CBFB: variants seen among roughly 807,000 people sequenced by gnomAD.
CBFB encodes the protein CBF-beta.
CBFB carries 9 observed loss-of-function variants against 30.4 expected under a neutral mutation model. The ratio of observed to expected loss-of-function variants is 0.30; its 90% CI spans 0.18 to 0.52. CBFB has a LOEUF of 0.52. Ranked by LOEUF, CBFB falls within the 20% of genes least tolerant of loss-of-function variation. The pLI is 0.97. For missense variants in CBFB, 170 were observed against 244.0 expected (o/e 0.70, Z 2.02); for synonymous variants, 94 against 84.0 (o/e 1.12, Z -0.65).
intron 3 of CBFB, among the ~76,000 whole-genome samples, chr16:67,053,238 C>G (rs763261096): frequency 2.6e-3 from 388 of 148,420 alleles, no homozygotes; most frequent in Non-Finnish European, 4.5e-3. Context: ...ACTCTAATGT[C>G]ACTTTCTCTC....
At chr16:67,079,515 CTTTTTTTTT>C (rs34164177) in intron 4 of CBFB, among the ~76,000 whole-genome samples, 15 of 98,666 alleles carry the variant, frequency 1.5e-4, no homozygotes, top group African/African-American at 5.2e-4. Flanking sequence ...GGCCCTGGGT[CTTTTTTTTT>C]TTTTTTTTTT....
At chr16:67,091,367 T>C (rs911785625) in intron 5 of CBFB, among the ~76,000 whole-genome samples, 2 of 152,242 alleles carry the variant, frequency 1.3e-5, no homozygotes, top group African/African-American at 2.4e-5. Flanking sequence ...AGCTTTGTTA[T>C]AATAACAGCA....
chr16:67,035,650 G>A (rs1200411994), intron 2 of CBFB, among the ~76,000 whole-genome samples: 1 of 152,144 alleles, frequency 6.6e-6, no homozygotes, highest in Non-Finnish European at 1.5e-5. Flanking sequence ...TAAACAAATT[G>A]CCCCAAATGT....
chr16:67,056,066 A>G (rs1041393134), intron 3 of CBFB, among the ~76,000 whole-genome samples: 2 of 152,240 alleles, frequency 1.3e-5, no homozygotes, highest in Admixed American at 6.5e-5. Flanking sequence ...TGTCAGGGAA[A>G]AAACAGCATG....
At chr16:67,076,991 A>G (rs180919819) in intron 4 of CBFB, among the ~76,000 whole-genome samples, 2 of 152,230 alleles carry the variant, frequency 1.3e-5, no homozygotes, top group Admixed American at 1.3e-4. Flanking sequence ...TGTAAGTTAT[A>G]TAAACTATAA....
chr16:67,095,191 CAA>C (rs1254318680), intron 5 of CBFB, among the ~76,000 whole-genome samples: 3 of 77,026 alleles, frequency 3.9e-5, no homozygotes, highest in Non-Finnish European at 6.9e-5. Context: ...GCCTAGGCAA[CAA>C]GAGCAAAAGT....
intron 3 of CBFB, among the ~76,000 whole-genome samples, chr16:67,048,699 C>T (rs1028004868): frequency 3.4e-5 from 5 of 149,048 alleles, no homozygotes; most frequent in Non-Finnish European, 7.4e-5. Context: ...TACAGGAGCC[C>T]GCCACCACGC....
At chr16:67,097,872 G>A (rs1962099555) in intron 5 of CBFB, among the ~76,000 whole-genome samples, 1 of 152,138 alleles carries the variant, frequency 6.6e-6, no homozygotes, top group Non-Finnish European at 1.5e-5. Flanking sequence ...AGGCTGTAAT[G>A]TGCTATGTTC....
chr16:67,041,841 C>T (rs1450727348), intron 3 of CBFB, among the ~76,000 whole-genome samples: 1 of 141,648 alleles, frequency 7.1e-6, no homozygotes, highest in African/African-American at 2.7e-5. Context: ...GTGGTGCAAT[C>T]ATAGTTCACT....
intron 3 of CBFB, among the ~76,000 whole-genome samples, chr16:67,050,537 A>G (rs527454932): frequency 1.3e-5 from 2 of 152,244 alleles, no homozygotes; most frequent in African/African-American, 4.8e-5. Context: ...GCTCACAGCT[A>G]TAATCTCAAT....
chr16:67,092,698 C>CTTTTTTTTTTTTTTTT lies in CBFB; in HGVS notation c.496-5995_496-5980dup, dbSNP rs777213321. 2.4e-4 allele frequency among the ~76,000 whole-genome samples: 8 copies of CTTTTTTTTTTTTTTTT among 33,528 alleles called. 1 individual carries two copies. The highest frequency in any genetic ancestry group is 9.2e-4 in the African/African-American group (8 of 8,718). The allele number at this position is 33,528 out of a possible 152,430, so 22.0% of individuals were successfully genotyped here. A position where few individuals can be genotyped will look rare whatever the true frequency, so the allele number is the denominator to read the frequency against. ...CCAGGCTAGGTTACAGTGGTGCAATCTTTTTTTTTTTTTTTTTTTTTTTTT... is the reference window on the plus strand; with the variant it reads ...CCAGGCTAGGTTACAGTGGTGCAATCTTTTTTTTTTTTTTTTTTTTTTTTTTTTTTTTTTTTTTTTT... On this transcript the variant is annotated intron_variant, in intron 5 of 5. Coordinates refer to ENST00000412916, the MANE Select transcript of CBFB (RefSeq NM_022845.3).
intron 3 of CBFB, 69 bp downstream of exon 3, chr16:67,036,824 A>C: frequency 1.1e-6 from 1 of 882,880 alleles, no homozygotes; most frequent in Non-Finnish European, 1.9e-6. Context: ...GGTAATTTAC[A>C]TTTTAATAAA....
chr16:67,037,666 A>ATTTTTTTTTTTTTTTTTT (rs35804914), intron 3 of CBFB, among the ~76,000 whole-genome samples: 4 of 129,286 alleles, frequency 3.1e-5, no homozygotes, highest in Admixed American at 1.6e-4. Flanking sequence ...GATTTTGGTA[A>ATTTTTTTTTTTTTTTTTT]TTTTTTTTTT....
At chr16:67,041,566 C>T (rs1005459114) in intron 3 of CBFB, among the ~76,000 whole-genome samples, 2 of 151,940 alleles carry the variant, frequency 1.3e-5, no homozygotes, top group African/African-American at 2.4e-5. Flanking sequence ...CGTGCCACTG[C>T]ACTCCAGCCT....
intron 2 of CBFB, 152 bp downstream of exon 2, chr16:67,029,965 A>G: frequency 4.0e-6 from 2 of 496,282 alleles, no homozygotes; most frequent in Non-Finnish European, 6.8e-6. Context: ...ATGCGAAACC[A>G]GATGCCGCGG....
chr16:67,039,552 A>G (rs1207358081), intron 3 of CBFB, among the ~76,000 whole-genome samples: 4 of 152,222 alleles, frequency 2.6e-5, no homozygotes, highest in Admixed American at 2.6e-4. Context: ...GATTCATTAT[A>G]ATCTTACAAG....
chr16:67,092,764 G>A (rs1319478783), intron 5 of CBFB, among the ~76,000 whole-genome samples: 1 of 133,698 alleles, frequency 7.5e-6, no homozygotes, highest in Non-Finnish European at 1.5e-5. Context: ...CCAGGCTGGA[G>A]TGCAGTGGCC....
intron 2 of CBFB, among the ~76,000 whole-genome samples, chr16:67,031,472 A>G (rs1202354077): frequency 6.6e-6 from 1 of 152,208 alleles, no homozygotes; most frequent in Non-Finnish European, 1.5e-5. Context: ...AAAGGATGCA[A>G]GTATAAAAGA....
At chr16:67,059,617 T>C (rs1960833373) in intron 3 of CBFB, among the ~76,000 whole-genome samples, 1 of 152,208 alleles carries the variant, frequency 6.6e-6, no homozygotes, top group African/African-American at 2.4e-5. Context: ...AAATTTTAAA[T>C]GGGGCCTGTA....
Sources: gnomAD v4.1 joint callset for allele counts (sites outside exome capture counted in the v4.1 genomes callset) on GRCh38, gnomAD v4.1.1 for gene constraint, MANE v1.5 for transcripts, NCBI Gene and HGNC (gene_info 2026-07-23, HGNC 2026-07-21) for gene names.